The following OTUD7A variants were observed in gnomAD, a reference collection of about 807,000 sequenced individuals.
OTUD7A encodes the protein OTU domain-containing protein 7A.
In OTUD7A, 12 loss-of-function variants were observed where a neutral mutation model predicts 65.7. The ratio of observed to expected loss-of-function variants is 0.18; its 90% CI spans 0.12 to 0.30. The LOEUF (loss-of-function observed/expected upper bound fraction) is 0.30. Among genes scored for constraint, OTUD7A ranks in the 10% least tolerant of loss-of-function variants. OTUD7A has a pLI of 1.00. For synonymous variants in OTUD7A, 641 were observed against 586.3 expected, an observed-to-expected ratio of 1.09 and a Z score of -1.35; for missense variants, 1,148 against 1,304.8, an observed-to-expected ratio of 0.88 and a Z score of 1.85.
At chr15:31,594,310 C>T (rs1889840507) in intron 3 of OTUD7A, among the ~76,000 whole-genome samples, 1 of 152,184 alleles carries the variant, frequency 6.6e-6, no homozygotes, top group African/African-American at 2.4e-5. Flanking sequence ...CTTTTTAAAA[C>T]TGAAATAAAA....
intron 1 of OTUD7A, among the ~76,000 whole-genome samples, chr15:31,696,148 G>A (rs148924488): frequency 0.07 from 10,214 of 146,490 alleles, 34 homozygotes; most frequent in African/African-American, 0.2. Context: ...AGGGTTGAGG[G>A]GGGCACAAGG....
chr15:31,716,821 G>A (rs1893599996), intron 1 of OTUD7A, among the ~76,000 whole-genome samples: 1 of 152,186 alleles, frequency 6.6e-6, no homozygotes, highest in Admixed American at 6.5e-5. Flanking sequence ...GTCCCTGGCT[G>A]AAGCTGCCCA....
chr15:31,528,223 G>A (rs2042040669), intron 6 of OTUD7A, among the ~76,000 whole-genome samples: 1 of 152,218 alleles, frequency 6.6e-6, no homozygotes, highest in South Asian at 2.1e-4. Context: ...GAGGAGAGGT[G>A]AGGCAGGCAG....
intron 1 of OTUD7A, among the ~76,000 whole-genome samples, chr15:31,788,883 T>C (rs1895742253): frequency 6.6e-6 from 1 of 152,180 alleles, no homozygotes; most frequent in Non-Finnish European, 1.5e-5. Context: ...GGCTTTATTT[T>C]TAATGTTCAT....
chr15:31,503,248 T>C (rs2041499964), intron 9 of OTUD7A, among the ~76,000 whole-genome samples: 1 of 152,224 alleles, frequency 6.6e-6, no homozygotes. Flanking sequence ...CAGTTCTGAT[T>C]CTACCATAGC....
intron 1 of OTUD7A, among the ~76,000 whole-genome samples, chr15:31,801,623 T>TAGTA (rs1310628973): frequency 6.6e-6 from 1 of 152,234 alleles, no homozygotes; most frequent in African/African-American, 2.4e-5. Context: ...TCATCTACTT[T>TAGTA]GTGGGTGCTA....
At position 31,559,623 on chromosome 15, in the gene OTUD7A, CACAT is replaced by C. The variant is rs564383950; in HGVS notation, c.332-440_332-437del. On this transcript the variant is annotated intron_variant, in intron 4 of 12. Coordinates refer to ENST00000307050, the MANE Select transcript of OTUD7A (RefSeq NM_001382637.1). ...ACATGTGCACACACTACATAGCATA[CACAT>C]ACATGCATGCAGACACACACATAGA... Among the ~76,000 whole-genome samples the C allele has an allele frequency of 2.9e-3, 440 of 152,296 alleles. 5 individuals carry two copies. The highest frequency in any genetic ancestry group is 0.01 in the African/African-American group (417 of 41,560).
intron 3 of OTUD7A, among the ~76,000 whole-genome samples, chr15:31,609,447 T>C (rs1394573475): frequency 2.0e-5 from 3 of 152,094 alleles, no homozygotes; most frequent in Admixed American, 2.0e-4. Context: ...GACTACCGAA[T>C]TGCCCCACTT....
chr15:31,796,142 C>CGTGT (rs145581747), intron 1 of OTUD7A, among the ~76,000 whole-genome samples: 4,029 of 146,932 alleles, frequency 0.027, 62 homozygotes, highest in East Asian at 0.039. Flanking sequence ...GTAAGGGGTG[C>CGTGT]GTGTGTGTGT....
At chr15:31,793,900 A>C (rs1233315888) in intron 1 of OTUD7A, among the ~76,000 whole-genome samples, 4 of 152,208 alleles carry the variant, frequency 2.6e-5, no homozygotes, top group Non-Finnish European at 5.9e-5. Flanking sequence ...TGGTCTCCCA[A>C]GCTGTCATCT....
intron 1 of OTUD7A, among the ~76,000 whole-genome samples, chr15:31,794,095 C>T (rs146890167): frequency 6.6e-6 from 1 of 152,172 alleles, no homozygotes; most frequent in East Asian, 1.9e-4. Context: ...TATTTTTAAC[C>T]TTCATGTAGT....
At position 31,481,949 on chromosome 15, in the gene OTUD7A, A is replaced by G. The variant is rs1218462684; in HGVS notation, c.*1345T>C. 6.6e-6 allele frequency: 1 copy of G among 152,194 alleles called. No homozygotes were observed. The highest frequency in any genetic ancestry group is 1.5e-5 in the Non-Finnish European group (1 of 68,034). 9.4% of individuals were successfully genotyped at this position (152,194 alleles called of 1,614,324 possible). On this transcript the variant is annotated 3_prime_UTR_variant, in exon 13 of 13. Coordinates refer to ENST00000307050, the MANE Select transcript of OTUD7A (RefSeq NM_001382637.1). ...GGTTTTATAGTATTCTTTGTTAGTG[A>G]GGATTTTACCCATCTTATCCTCATT...
chr15:31,857,891 C>A (rs934917647), intron 1 of OTUD7A, among the ~76,000 whole-genome samples: 4 of 152,138 alleles, frequency 2.6e-5, no homozygotes, highest in Non-Finnish European at 5.9e-5. Context: ...AGTTCAGTTC[C>A]TTCTTGGGCA....
chr15:31,669,563 G>C (rs991734275), intron 1 of OTUD7A, among the ~76,000 whole-genome samples: 4 of 152,320 alleles, frequency 2.6e-5, no homozygotes, highest in African/African-American at 9.6e-5. Context: ...ACTTGCCCCA[G>C]GTTACCTGCT....
intron 1 of OTUD7A, among the ~76,000 whole-genome samples, chr15:31,754,461 A>G (rs1421649498): frequency 1.3e-5 from 2 of 152,122 alleles, no homozygotes; most frequent in South Asian, 2.1e-4. Flanking sequence ...GGTTTTTCCA[A>G]TGTTATCTTT....
intron 1 of OTUD7A, among the ~76,000 whole-genome samples, chr15:31,863,667 A>G (rs1163377866): frequency 6.6e-6 from 1 of 151,972 alleles, no homozygotes; most frequent in East Asian, 1.9e-4. Context: ...AGTCCATGAA[A>G]CCACTTTTTC....
At chr15:31,753,725 ATATATATATATATATC>A (rs1894726718) in intron 1 of OTUD7A, among the ~76,000 whole-genome samples, 1 of 134,738 alleles carries the variant, frequency 7.4e-6, no homozygotes, top group Non-Finnish European at 1.6e-5. Flanking sequence ...TATATATTAT[ATATATATATATATATC>A]TCACAGTTTC....
At chr15:31,564,941 C>T (rs989677596) in intron 4 of OTUD7A, among the ~76,000 whole-genome samples, 2 of 152,068 alleles carry the variant, frequency 1.3e-5, no homozygotes, top group Admixed American at 1.3e-4. Flanking sequence ...TATCAAATGG[C>T]TTGACAAAGA....
At position 31,582,046 on chromosome 15, in the gene OTUD7A, T is replaced by A. The variant is rs922912881; in HGVS notation, c.152-11849A>T. 1.3e-4 allele frequency among the ~76,000 whole-genome samples: 20 copies of A among 152,230 alleles called. 1 individual carries two copies. The highest frequency in any genetic ancestry group is 4.6e-4 in the African/African-American group (19 of 41,460). ...AAGAGCACCCAAGTCACCTCTTGAA[T>A]GCTTTGCTACTCAGAAATTTCGTCT... On this transcript the variant is annotated intron_variant, in intron 3 of 12. Transcript: ENST00000307050.
Sources: gnomAD v4.1 joint callset for allele counts (sites outside exome capture counted in the v4.1 genomes callset) on GRCh38, gnomAD v4.1.1 for gene constraint, MANE v1.5 for transcripts, NCBI Gene and HGNC (gene_info 2026-07-23, HGNC 2026-07-21) for gene names.